NKAIN2: variants seen among roughly 807,000 people sequenced by gnomAD.
NKAIN2 encodes the protein sodium/potassium-transporting ATPase subunit beta-1-interacting protein 2.
A neutral mutation model predicts 32.6 loss-of-function variants in NKAIN2; 14 were observed. That is an observed-to-expected ratio of 0.43 (90% CI 0.28 to 0.67). NKAIN2 has a LOEUF of 0.67. NKAIN2 is among the 30% of genes least tolerant of loss of function. The probability of loss-of-function intolerance (pLI) is 0.17; values close to 1 mark genes in which losing one functional copy is unlikely to be tolerated. For missense variants in NKAIN2, 198 were observed against 258.3 expected (o/e 0.77, Z 1.60); for synonymous variants, 80 against 87.2 (o/e 0.92, Z 0.46).
At chr6:124,258,596 C>G (rs1794065219) in intron 1 of NKAIN2, among the ~76,000 whole-genome samples, 2 of 152,228 alleles carry the variant, frequency 1.3e-5, no homozygotes, top group East Asian at 3.9e-4. Flanking sequence ...AACTTTGGAA[C>G]CAGTCAGGCC....
rs1784452187 is a variant in NKAIN2 at position 124,653,942 on chromosome 6, T to TATATGAAATATGAAAATATGAA, written c.274-4236_274-4235insTATGAAAATATGAAATATGAAA. On this transcript the variant is annotated intron_variant, in intron 3 of 6. Coordinates refer to ENST00000368417, the MANE Select transcript of NKAIN2 (RefSeq NM_001040214.3). ...AGAAGATAAACAGATGGCAAATAAG[T>TATATGAAATATGAAAATATGAA]ATATGAAAATAGTCTCAACATCGTA... Among the ~76,000 whole-genome samples, 8 of 152,176 alleles carry TATATGAAATATGAAAATATGAA rather than the reference T, an allele frequency of 5.3e-5. No homozygotes were observed. In the South Asian group the frequency reaches 1.7e-3, roughly 32 times the overall value.
At chr6:124,286,912 G>A (rs1795583033) in intron 2 of NKAIN2, among the ~76,000 whole-genome samples, 1 of 152,050 alleles carries the variant, frequency 6.6e-6, no homozygotes, top group Non-Finnish European at 1.5e-5. Context: ...TCGAACTCCT[G>A]ACCTCATGAT....
At chr6:124,805,736 AT>A (rs1780517554) in intron 5 of NKAIN2, among the ~76,000 whole-genome samples, 1 of 152,092 alleles carries the variant, frequency 6.6e-6, no homozygotes, top group South Asian at 2.1e-4. Flanking sequence ...AGTTAAAAAC[AT>A]TGAAAAAAAT....
Position 124,350,997 on chromosome 6 carries a change from A to T in NKAIN2, c.193-4270A>T, listed in dbSNP as rs1481014284. Among the ~76,000 whole-genome samples the T allele has an allele frequency of 2.6e-5, 4 of 152,084 alleles. No individual in the cohort carries two copies. In the Admixed American group the frequency reaches 2.6e-4, roughly 10 times the overall value. On this transcript the variant is annotated intron_variant, in intron 2 of 6. Transcript: ENST00000368417. ...GAGTGAGACGCCTTCTCTAAAAAGT[A>T]AATAAATAAATAAAAATATTTTTAA...
chr6:123,904,037 G>C (rs1774734817), intron 1 of NKAIN2, among the ~76,000 whole-genome samples: 1 of 151,876 alleles, frequency 6.6e-6, no homozygotes, highest in South Asian at 2.1e-4. Context: ...AGACCAGCCT[G>C]ACCAACAAGA....
At chr6:124,476,101 TGC>T (rs1777200353) in intron 3 of NKAIN2, among the ~76,000 whole-genome samples, 2 of 139,022 alleles carry the variant, frequency 1.4e-5, no homozygotes, top group Non-Finnish European at 3.1e-5. Context: ...TGTGTGTGCG[TGC>T]GCGCGCGCAT....
intron 2 of NKAIN2, among the ~76,000 whole-genome samples, chr6:124,313,300 T>G (rs943781983): frequency 6.6e-6 from 1 of 152,154 alleles, no homozygotes; most frequent in East Asian, 1.9e-4. Context: ...CTTAAACTAG[T>G]AGGTGGAAAC....
chr6:124,706,032 G>T (rs1047349260), intron 4 of NKAIN2, among the ~76,000 whole-genome samples: 7 of 151,944 alleles, frequency 4.6e-5, no homozygotes, highest in African/African-American at 1.7e-4. Context: ...CATGACTATG[G>T]CGACCTTGAT....
intron 1 of NKAIN2, among the ~76,000 whole-genome samples, chr6:124,191,998 A>T (rs1256653522): frequency 2.1e-5 from 3 of 146,216 alleles, no homozygotes; most frequent in South Asian, 4.2e-4. Context: ...CTTTTTTCTT[A>T]ATTAGTCTTC....
rs145161313 is a variant in NKAIN2 at position 124,291,647 on chromosome 6, C to T, written c.192+8505C>T. ...CACTGGAGAGGAGATTAAATGTCATCCGCATACCCAGACAGCCTATCACTT... is the reference window on the plus strand; with the variant it reads ...CACTGGAGAGGAGATTAAATGTCATTCGCATACCCAGACAGCCTATCACTT... On this transcript the variant is annotated intron_variant, in intron 2 of 6. Transcript: ENST00000368417. 2.8e-3 allele frequency among the ~76,000 whole-genome samples: 426 copies of T among 152,216 alleles called. 1 individual carries two copies. Among genetic ancestry groups the T allele is most frequent in the Admixed American group, 4.8e-3 (73 of 15,278 alleles).
intron 3 of NKAIN2, among the ~76,000 whole-genome samples, chr6:124,574,372 C>A (rs1781250062): frequency 6.6e-6 from 1 of 151,626 alleles, no homozygotes; most frequent in Admixed American, 6.6e-5. Context: ...AATCCCAGCT[C>A]TTTGGGAGGC....
At chr6:124,704,408 T>C (rs931117803) in intron 4 of NKAIN2, among the ~76,000 whole-genome samples, 4 of 151,980 alleles carry the variant, frequency 2.6e-5, no homozygotes, top group Non-Finnish European at 5.9e-5. Context: ...AGTACAGGGT[T>C]ACAATTAAAA....
intron 1 of NKAIN2, among the ~76,000 whole-genome samples, chr6:123,849,217 G>A (rs561194109): frequency 1.2e-4 from 18 of 152,120 alleles, no homozygotes; most frequent in South Asian, 4.1e-4. Context: ...ATTATTTTCC[G>A]TCACTTTTAG....
At chr6:124,529,957 T>A (rs1562240317) in intron 3 of NKAIN2, among the ~76,000 whole-genome samples, 1 of 152,134 alleles carries the variant, frequency 6.6e-6, no homozygotes, top group Non-Finnish European at 1.5e-5. Flanking sequence ...CGGAGGTAAT[T>A]AAGTCATAAT....
chr6:123,883,152 A>AT (rs1446126904), intron 1 of NKAIN2, among the ~76,000 whole-genome samples: 1 of 151,876 alleles, frequency 6.6e-6, no homozygotes, highest in African/African-American at 2.4e-5. Flanking sequence ...GTGAATTATT[A>AT]TTATTTTTTT....
chr6:124,807,969 A>G (rs1205989284), intron 5 of NKAIN2, among the ~76,000 whole-genome samples: 1 of 147,752 alleles, frequency 6.8e-6, no homozygotes, highest in Non-Finnish European at 1.5e-5. Context: ...CAATAACAGG[A>G]TCTGAAATTG....
At chr6:123,929,028 G>T (rs1016431583) in intron 1 of NKAIN2, among the ~76,000 whole-genome samples, 24 of 152,106 alleles carry the variant, frequency 1.6e-4, no homozygotes, top group Admixed American at 1.6e-3. Context: ...TTCCTACCTG[G>T]GTTATGTTCC....
intron 3 of NKAIN2, among the ~76,000 whole-genome samples, chr6:124,359,338 A>G (rs1799155524): frequency 6.6e-6 from 1 of 152,172 alleles, no homozygotes; most frequent in Non-Finnish European, 1.5e-5. Flanking sequence ...TGGGGATGGC[A>G]TTGAATCTAT....
intron 3 of NKAIN2, among the ~76,000 whole-genome samples, chr6:124,583,147 T>C (rs1281269881): frequency 6.6e-6 from 1 of 150,838 alleles, no homozygotes. Flanking sequence ...AATAAAGGTG[T>C]CCAAATTGGA....
Sources: gnomAD v4.1 joint callset for allele counts (sites outside exome capture counted in the v4.1 genomes callset) on GRCh38, gnomAD v4.1.1 for gene constraint, MANE v1.5 for transcripts, NCBI Gene and HGNC (gene_info 2026-07-23, HGNC 2026-07-21) for gene names.